RAB8A: variants seen among roughly 807,000 people sequenced by gnomAD.
RAB8A encodes the protein ras-related protein Rab-8A.
A neutral mutation model predicts 29.2 loss-of-function variants in RAB8A; 5 were observed. The observed-to-expected ratio is 0.17, with a 90% CI of 0.09 to 0.36. RAB8A has a LOEUF of 0.36. RAB8A is among the 10% of genes least tolerant of loss of function. RAB8A has a pLI of 1.00. For synonymous variants in RAB8A, 108 were observed against 99.9 expected, an observed-to-expected ratio of 1.08 and a Z score of -0.49; for missense variants, 171 against 272.2, an observed-to-expected ratio of 0.63 and a Z score of 2.62.
chr19:16,125,007 G>C lies in RAB8A; in HGVS notation c.247-463G>C. 11 of 191,400 alleles carry C rather than the reference G, an allele frequency of 5.7e-5. No individual in the cohort carries two copies. Among genetic ancestry groups the C allele is most frequent in the South Asian group, 3.0e-4 (3 of 10,162 alleles). 11.9% of individuals were successfully genotyped at this position (191,400 alleles called of 1,614,324 possible). On this transcript the variant is annotated intron_variant, in intron 3 of 7. Coordinates refer to ENST00000300935, the MANE Select transcript of RAB8A (RefSeq NM_005370.5). This position sits in a 1 kb window ranked among gnomAD's most constrained non-coding sequence, Gnocchi z 5.0. ...TGGATGTCGGGTCAGGACTTCCTGG[G>C]CTCAGTTGTGCCTGGTAGGTGGCTC...
At chr19:16,118,066 G>A (rs892801760) in intron 1 of RAB8A, among the ~76,000 whole-genome samples, 160 bp from the exon 2 acceptor site, 1 of 152,174 alleles carries the variant, frequency 6.6e-6, no homozygotes, top group Non-Finnish European at 1.5e-5. Context: ...ATCTCCAAGT[G>A]TTTCCAGATC....
At chr19:16,124,999 CTTCCTGG>C in intron 3 of RAB8A, 6 of 205,466 alleles carry the variant, frequency 2.9e-5, no homozygotes, top group South Asian at 8.3e-5. Flanking sequence ...CGGGTCAGGA[CTTCCTGG>C]GCTCAGTTGT....
chr19:16,131,658 G>A (rs942815604), intron 7 of RAB8A, among the ~76,000 whole-genome samples: 2 of 151,432 alleles, frequency 1.3e-5, no homozygotes, highest in African/African-American at 4.9e-5. Context: ...GGGGATGGAT[G>A]GTTGGTTGGT....
At chr19:16,119,807 T>G (rs912832609) in intron 2 of RAB8A, among the ~76,000 whole-genome samples, 1 of 152,032 alleles carries the variant, frequency 6.6e-6, no homozygotes, top group South Asian at 2.1e-4. Flanking sequence ...TGACTGGTTT[T>G]TTTTTTTGTT....
chr19:16,128,272 C>G (rs940162262), intron 6 of RAB8A, among the ~76,000 whole-genome samples, 181 bp downstream of exon 6: 2 of 152,188 alleles, frequency 1.3e-5, no homozygotes, highest in Non-Finnish European at 2.9e-5. Context: ...ACAGGCAGCC[C>G]CTGGGAATGT....
At chr19:16,121,366 T>C (rs1369674011) in intron 2 of RAB8A, among the ~76,000 whole-genome samples, 1 of 152,162 alleles carries the variant, frequency 6.6e-6, no homozygotes, top group Non-Finnish European at 1.5e-5. Flanking sequence ...TTCCCCATCA[T>C]TCAAACCAAG....
In RAB8A at chr19:16,125,619, G is replaced by A. The variant is rs2090896958; in HGVS notation, c.324+72G>A. The stretch of plus-strand genomic sequence containing the variant: ...CCAGAGCCCTCTGGTTTACTCATGA[G>A]AAGGCCAAGGTGCAGAGACACATAC... On this transcript the variant is annotated intron_variant, in intron 4 of 7. Transcript: ENST00000300935. The surrounding 1 kb of genome is among the most constrained non-coding windows in gnomAD (Gnocchi z 5.0). 7.1e-7 allele frequency: 1 copy of A among 1,418,116 alleles called. No homozygotes were observed. The highest frequency in any genetic ancestry group is 9.8e-7 in the Non-Finnish European group (1 of 1,016,188). The allele number at this position is 1,418,116 out of a possible 1,614,324, so 87.8% of individuals were successfully genotyped here.
chr19:16,116,579 G>A (rs2079368181), intron 1 of RAB8A, among the ~76,000 whole-genome samples: 1 of 152,156 alleles, frequency 6.6e-6, no homozygotes, highest in Admixed American at 6.6e-5. Context: ...GCTCACGCCT[G>A]TAATCCCAGT....
chr19:16,112,216 G>T (rs1423475518), intron 1 of RAB8A, among the ~76,000 whole-genome samples, 191 bp downstream of exon 1: 2 of 152,174 alleles, frequency 1.3e-5, no homozygotes, highest in African/African-American at 4.8e-5. Context: ...GGGAGACCAG[G>T]TGCCCATTTT....
intron 1 of RAB8A, among the ~76,000 whole-genome samples, chr19:16,117,986 C>T (rs532178860): frequency 1.3e-5 from 2 of 152,140 alleles, no homozygotes; most frequent in Non-Finnish European, 2.9e-5. Context: ...GGGACAAGAG[C>T]AGGGCTTTGC....
chr19:16,129,509 C>G (rs763613267), intron 6 of RAB8A, 45 bp from the exon 7 acceptor site: 1 of 1,599,678 alleles, frequency 6.3e-7, no homozygotes, highest in African/African-American at 1.3e-5. Context: ...GCTGAGGACT[C>G]AGGGTCCTGC....
chr19:16,131,024 A>G (rs2061327260), intron 7 of RAB8A, among the ~76,000 whole-genome samples: 1 of 152,082 alleles, frequency 6.6e-6, no homozygotes, highest in Non-Finnish European at 1.5e-5. Context: ...AGGCTTCACC[A>G]TGTTGGTCAG....
In RAB8A at chr19:16,127,402, C is replaced by T. The variant is rs749257201; in HGVS notation, c.325-35C>T. ...GCAGAGGCACCTGGCCTGTGTCATC[C>T]GGTCTGATCCCCCGTCTGTCCCCCT... On this transcript the variant is annotated intron_variant, in intron 4 of 7. Coordinates refer to ENST00000300935, the MANE Select transcript of RAB8A (RefSeq NM_005370.5). This position sits in a 1 kb window ranked among gnomAD's most constrained non-coding sequence, Gnocchi z 4.8. The T allele has an allele frequency of 1.7e-5, 24 of 1,381,354 alleles. No individual in the cohort carries two copies. The highest frequency in any genetic ancestry group is 4.4e-5 in the African/African-American group (3 of 68,078). 85.6% of individuals were successfully genotyped at this position (1,381,354 alleles called of 1,614,324 possible). A position where few individuals can be genotyped will look rare whatever the true frequency, so the allele number is the denominator to read the frequency against.
chr19:16,117,743 G>A (rs1226991455), intron 1 of RAB8A, among the ~76,000 whole-genome samples: 8 of 152,138 alleles, frequency 5.3e-5, no homozygotes, highest in Admixed American at 5.2e-4. Context: ...CTAGCTGACG[G>A]GCCAGTGGGA....
At position 16,122,364 on chromosome 19, in the gene RAB8A, T is replaced by C. The variant is rs531601346; in HGVS notation, c.246+554T>C. On this transcript the variant is annotated intron_variant, in intron 3 of 7. Transcript: ENST00000300935. This position sits in a 1 kb window ranked among gnomAD's most constrained non-coding sequence, Gnocchi z 4.7. ...CGGCCAGGGATGGGACGAGGTCCTG[T>C]GTCAGGGGCCCTGTGTGTACATGGC... Among the ~76,000 whole-genome samples the C allele has an allele frequency of 2.5e-4, 38 of 152,236 alleles. No individual in the cohort carries two copies. The highest frequency in any genetic ancestry group is 8.4e-4 in the African/African-American group (35 of 41,556).
In RAB8A at chr19:16,125,220, C is replaced by T. The variant is rs2090893904; in HGVS notation, c.247-250C>T. ...GCGTGGCAGGGGCTGGCCTGTGAGG[C>T]AGAAGGGTCACCTCAGCGGCCCGGG... On this transcript the variant is annotated intron_variant, in intron 3 of 7. Transcript: ENST00000300935. The surrounding 1 kb of genome is among the most constrained non-coding windows in gnomAD (Gnocchi z 5.0). The T allele has an allele frequency of 3.5e-6, 2 of 568,436 alleles. No homozygotes were observed. The highest frequency in any genetic ancestry group is 1.9e-5 in the African/African-American group (1 of 53,258). 35.2% of individuals were successfully genotyped at this position (568,436 alleles called of 1,614,324 possible).
At chr19:16,123,646 A>G (rs2090884703) in intron 3 of RAB8A, 1 of 152,144 alleles carries the variant, frequency 6.6e-6, no homozygotes, top group Non-Finnish European at 1.5e-5. Flanking sequence ...AAAAACATTG[A>G]AAATCCAGCT....
In RAB8A at chr19:16,131,356, TAATG is replaced by T. The variant is rs781484601; in HGVS notation, c.532-855_532-852del. On this transcript the variant is annotated intron_variant, in intron 7 of 7. Transcript: ENST00000300935. ...GAGAATTGGATGGATGGGTAGAAGATAATGGATGGATGGTTGGTTGAAAGGGAAT... is the reference window on the plus strand; with the variant it reads ...GAGAATTGGATGGATGGGTAGAAGATGATGGATGGTTGGTTGAAAGGGAAT... Among the ~76,000 whole-genome samples, 25 of 152,176 alleles carry T rather than the reference TAATG, an allele frequency of 1.6e-4. 1 individual carries two copies. The highest frequency in any genetic ancestry group is 2.9e-4 in the African/African-American group (12 of 41,444).
At chr19:16,126,200 C>T (rs904722413) in intron 4 of RAB8A, 8 of 174,736 alleles carry the variant, frequency 4.6e-5, no homozygotes, top group African/African-American at 1.6e-4. Flanking sequence ...GGGCATATCA[C>T]TGTCCACCCA....
Sources: gnomAD v4.1 joint callset for allele counts (sites outside exome capture counted in the v4.1 genomes callset) on GRCh38, gnomAD v4.1.1 for gene constraint, Gnocchi (gnomAD v3.1) non-coding constraint, MANE v1.5 for transcripts, NCBI Gene and HGNC (gene_info 2026-07-23, HGNC 2026-07-21) for gene names.